Variants in KCNB2 observed in about 807,000 individuals in gnomAD.
KCNB2 encodes potassium voltage-gated channel subfamily B member 2, also known as delayed rectifier potassium channel protein.
A neutral mutation model predicts 61.5 loss-of-function variants in KCNB2; 15 were observed. The ratio of observed to expected loss-of-function variants is 0.24; its 90% CI spans 0.16 to 0.38. The LOEUF (loss-of-function observed/expected upper bound fraction) is 0.38, where lower values mean the gene tolerates loss of function less well. Among genes scored for constraint, KCNB2 ranks in the 10% least tolerant of loss-of-function variants. The pLI, the probability that KCNB2 is intolerant of heterozygous loss-of-function variation, is 1.00. For synonymous variants in KCNB2, 457 were observed against 446.0 expected, an observed-to-expected ratio of 1.02 and a Z score of -0.31; for missense variants, 828 against 1,125.2, an observed-to-expected ratio of 0.74 and a Z score of 3.78.
rs766004922 is a variant in KCNB2, at chr8:72,936,579, T to C, written c.1224T>C (p.Val408=). The C allele has an allele frequency of 6.2e-7, 1 of 1,614,210 alleles. No individual in the cohort carries two copies. Among genetic ancestry groups the C allele is most frequent in the Non-Finnish European group, 8.5e-7 (1 of 1,180,036 alleles). Residue 408 remains valine (V), a synonymous_variant, in exon 3 of 3, where the codon GTT becomes GTC. Coordinates refer to ENST00000523207, the MANE Select transcript of KCNB2 (RefSeq NM_004770.3). The surrounding 1 kb of genome is among the most constrained non-coding windows in gnomAD (Gnocchi z 5.6). ...TGTGCTGTATTGCTGGGGTTCTGGT[T>C]ATTGCCCTTCCTATCCCAATTATTG... ...GGLCCIAGVL[V]IALPIPIIVN...
At chr8:72,590,294 C>CAA (rs1807074059) in intron 2 of KCNB2, among the ~76,000 whole-genome samples, 1 of 152,048 alleles carries the variant, frequency 6.6e-6, no homozygotes, top group Non-Finnish European at 1.5e-5. Flanking sequence ...TTACCAAATC[C>CAA]AAAAACAAAA....
chr8:72,607,312 C>G (rs888125636), intron 2 of KCNB2, among the ~76,000 whole-genome samples: 2 of 151,996 alleles, frequency 1.3e-5, no homozygotes, highest in African/African-American at 4.8e-5. Flanking sequence ...GGAAGGTGGG[C>G]TTCCTAAAGT....
chr8:72,930,097 G>C (rs36180147), intron 2 of KCNB2, among the ~76,000 whole-genome samples: 43,549 of 151,570 alleles, frequency 0.29, 7,628 homozygotes, highest in Non-Finnish European at 0.4. Flanking sequence ...ATCGTTTCCA[G>C]CTTCTTTCAT....
At chr8:72,835,028 C>T (rs1809759678) in intron 2 of KCNB2, among the ~76,000 whole-genome samples, 1 of 152,186 alleles carries the variant, frequency 6.6e-6, no homozygotes, top group South Asian at 2.1e-4. Context: ...TCCTCCTGTT[C>T]CAACAACAAT....
intron 2 of KCNB2, among the ~76,000 whole-genome samples, chr8:72,833,116 T>C (rs1374601133): frequency 6.6e-6 from 1 of 152,166 alleles, no homozygotes; most frequent in Admixed American, 6.5e-5. Context: ...TTAAAAGAGC[T>C]AGAATCAAGA....
At chr8:72,633,876 A>C (rs1481561594) in intron 2 of KCNB2, among the ~76,000 whole-genome samples, 2 of 152,206 alleles carry the variant, frequency 1.3e-5, no homozygotes, top group African/African-American at 4.8e-5. Context: ...TTGGGCAGTG[A>C]ACAGCCTGCT....
chr8:72,783,479 C>T (rs1187501639), intron 2 of KCNB2, among the ~76,000 whole-genome samples: 4 of 152,220 alleles, frequency 2.6e-5, no homozygotes, highest in South Asian at 2.1e-4. Flanking sequence ...TTGCAATTGC[C>T]GGTCCCTCTG....
At chr8:72,924,973 C>G (rs1806609187) in intron 2 of KCNB2, among the ~76,000 whole-genome samples, 1 of 152,186 alleles carries the variant, frequency 6.6e-6, no homozygotes, top group Non-Finnish European at 1.5e-5. Context: ...CTTGGCAGAG[C>G]CACTCCATTT....
intron 2 of KCNB2, among the ~76,000 whole-genome samples, chr8:72,893,107 A>G (rs1047553001): frequency 1.3e-5 from 2 of 152,014 alleles, no homozygotes; most frequent in African/African-American, 4.8e-5. Context: ...GATTAAAAAA[A>G]AAAAAAAACT....
chr8:72,714,649 T>C (rs181140872), intron 2 of KCNB2, among the ~76,000 whole-genome samples: 1,926 of 152,014 alleles, frequency 0.013, 35 homozygotes, highest in African/African-American at 0.044. Flanking sequence ...CTACGAGAGC[T>C]CCTGAAGTAA....
Position 72,567,905 on chromosome 8 carries a change from C to G in KCNB2, c.171C>G (p.Pro57=), listed in dbSNP as rs41272419. 0.027 allele frequency: 43,868 copies of G among 1,613,918 alleles called. 981 individuals are homozygous for G. Among genetic ancestry groups the G allele is most frequent in the South Asian group, 0.088 (7,968 of 91,034 alleles). The part of the protein sequence containing the change: ...EVLWRTLDRL[P]RTRLGKLRDC... ...TGTGGAGAACGCTGGACAGGCTGCC[C>G]AGGACGCGCCTGGGGAAGCTTCGAG... The change falls in exon 2 of 3, where the codon CCC becomes CCG. Residue 57 remains proline, a synonymous_variant. Transcript: ENST00000523207.
At chr8:72,705,558 T>C (rs537283763) in intron 2 of KCNB2, among the ~76,000 whole-genome samples, 3 of 152,238 alleles carry the variant, frequency 2.0e-5, no homozygotes, top group African/African-American at 7.2e-5. Flanking sequence ...GTTGTGCAAG[T>C]GTCTGTAAAG....
chr8:72,677,580 C>G (rs777388918), intron 2 of KCNB2, among the ~76,000 whole-genome samples: 9 of 152,014 alleles, frequency 5.9e-5, no homozygotes, highest in Admixed American at 2.0e-4. Flanking sequence ...TTTTCAAAAC[C>G]GCTCTTAACC....
intron 2 of KCNB2, among the ~76,000 whole-genome samples, chr8:72,869,655 GCTTCACAC>G (rs1324689698): frequency 6.6e-6 from 1 of 152,054 alleles, no homozygotes; most frequent in Non-Finnish European, 1.5e-5. Flanking sequence ...ATGAAATATC[GCTTCACAC>G]CTAACAGATT....
intron 2 of KCNB2, among the ~76,000 whole-genome samples, chr8:72,603,314 C>T (rs1287113527): frequency 6.6e-6 from 1 of 152,168 alleles, no homozygotes; most frequent in Non-Finnish European, 1.5e-5. Flanking sequence ...CACCCCAAAC[C>T]CCTTTGCTAC....
chr8:72,668,722 C>T (rs191237169), intron 2 of KCNB2, among the ~76,000 whole-genome samples: 53 of 152,216 alleles, frequency 3.5e-4, no homozygotes, highest in Non-Finnish European at 6.5e-4. Flanking sequence ...TGTTGGAATG[C>T]TTTGAAAGAT....
intron 2 of KCNB2, among the ~76,000 whole-genome samples, chr8:72,816,054 A>C (rs887304865): frequency 9.2e-5 from 14 of 152,216 alleles, no homozygotes; most frequent in African/African-American, 3.4e-4. Flanking sequence ...AAGTAGGACA[A>C]ATTTTAGAAT....
Position 72,610,109 on chromosome 8 carries a change from GA to G in KCNB2, c.579+41805del, listed in dbSNP as rs564511031. Among the ~76,000 whole-genome samples, 221 of 151,354 alleles carry G rather than the reference GA, an allele frequency of 1.5e-3. 1 individual carries two copies. Among genetic ancestry groups the G allele is most frequent in the Middle Eastern group, 3.4e-3 (1 of 294 alleles). On this transcript the variant is annotated intron_variant, in intron 2 of 2. Coordinates refer to ENST00000523207, the MANE Select transcript of KCNB2 (RefSeq NM_004770.3). ...CCACAGGGTTGGGATAAAACAACAG[GA>G]AAAAAAAATCTTCAAATCAATGAAT...
chr8:72,735,858 C>T (rs771691931), intron 2 of KCNB2, among the ~76,000 whole-genome samples: 35 of 152,052 alleles, frequency 2.3e-4, no homozygotes, highest in African/African-American at 4.1e-4. Flanking sequence ...TAAGATGTAT[C>T]GCAGAAACTG....
Sources: gnomAD v4.1 joint callset for allele counts (sites outside exome capture counted in the v4.1 genomes callset) on GRCh38, gnomAD v4.1.1 for gene constraint, Gnocchi (gnomAD v3.1) non-coding constraint, MANE v1.5 for transcripts, NCBI Gene and HGNC (gene_info 2026-07-23, HGNC 2026-07-21) for gene names.